Variants in AGBL1 observed in about 807,000 individuals in gnomAD.
The protein encoded by AGBL1 is cytosolic carboxypeptidase 4.
Under a neutral mutation model 118.9 loss-of-function variants are expected in AGBL1, and 130 were observed. The observed-to-expected ratio is 1.09, with a 90% CI of 0.95 to 1.26. The LOEUF (loss-of-function observed/expected upper bound fraction) is 1.26, where lower values mean the gene tolerates loss of function less well. Ranked by LOEUF, AGBL1 falls within the 50% of genes most tolerant of loss-of-function variation. The pLI, the probability that AGBL1 is intolerant of heterozygous loss-of-function variation, is 0.00. For synonymous variants in AGBL1, 555 were observed against 478.9 expected (o/e 1.16, Z -2.08); for missense variants, 1,584 against 1,298.1 (o/e 1.22, Z -3.38).
chr15:86,918,483 G>A (rs2080451494), downstream of AGBL1, among the ~76,000 whole-genome samples: 1 of 151,678 alleles, frequency 6.6e-6, no homozygotes, highest in South Asian at 2.1e-4. Context: ...ATTAGAAATG[G>A]ATCCGTATCA....
intron 16 of AGBL1, among the ~76,000 whole-genome samples, chr15:86,290,069 T>C (rs1043611545): frequency 6.6e-6 from 1 of 152,196 alleles, no homozygotes; most frequent in Non-Finnish European, 1.5e-5. Flanking sequence ...TCGATGTAAG[T>C]TGAAAACATT....
intron 22 of AGBL1, among the ~76,000 whole-genome samples, chr15:86,742,434 G>C (rs2077693677): frequency 6.6e-6 from 1 of 152,266 alleles, no homozygotes; most frequent in East Asian, 1.9e-4. Context: ...TTGTTTCTCT[G>C]TTAATCTGAC....
At chr15:86,479,936 G>A (rs1055086092) in intron 18 of AGBL1, among the ~76,000 whole-genome samples, 3 of 152,108 alleles carry the variant, frequency 2.0e-5, no homozygotes, top group African/African-American at 4.8e-5. Context: ...TCCTTTGTAG[G>A]GACATGGATG....
intron 24 of AGBL1, among the ~76,000 whole-genome samples, chr15:87,003,181 G>C (rs1035807941): frequency 2.7e-5 from 4 of 148,754 alleles, no homozygotes; most frequent in African/African-American, 1.0e-4. Flanking sequence ...AGAGTTTTTA[G>C]TATGAAGGGC....
chr15:86,680,696 A>C (rs1379485993), intron 22 of AGBL1, among the ~76,000 whole-genome samples: 1 of 149,196 alleles, frequency 6.7e-6, no homozygotes, highest in African/African-American at 2.5e-5. Context: ...TCTCTTGAGT[A>C]GCTGGGATTA....
chr15:86,948,780 G>A (rs1171837129), intron 23 of AGBL1, among the ~76,000 whole-genome samples: 1 of 152,156 alleles, frequency 6.6e-6, no homozygotes, highest in East Asian at 1.9e-4. Flanking sequence ...ATGAGGAAGA[G>A]AAAAATAAAA....
chr15:86,985,482 G>C (rs1039620265), intron 23 of AGBL1, among the ~76,000 whole-genome samples: 1 of 152,198 alleles, frequency 6.6e-6, no homozygotes, highest in African/African-American at 2.4e-5. Context: ...TTCCCCTGAT[G>C]ACTAACGCTG....
chr15:86,380,432 G>C (rs1415558663), intron 17 of AGBL1, among the ~76,000 whole-genome samples: 1 of 151,008 alleles, frequency 6.6e-6, no homozygotes, highest in Non-Finnish European at 1.5e-5. Context: ...TTACAGGCGT[G>C]CGCCACCTGA....
chr15:86,352,558 T>C (rs2080644367), intron 17 of AGBL1, among the ~76,000 whole-genome samples: 1 of 152,016 alleles, frequency 6.6e-6, no homozygotes, highest in South Asian at 2.1e-4. Flanking sequence ...CTCGGCTCAC[T>C]GCAACCTCTG....
At chr15:86,269,398 C>G (rs1420393560) in intron 13 of AGBL1, among the ~76,000 whole-genome samples, 1 of 152,154 alleles carries the variant, frequency 6.6e-6, no homozygotes, top group African/African-American at 2.4e-5. Context: ...CATATCCAAA[C>G]CAGATGTGAT....
At chr15:86,754,755 T>C (rs1047994537) in intron 22 of AGBL1, among the ~76,000 whole-genome samples, 3 of 152,078 alleles carry the variant, frequency 2.0e-5, no homozygotes, top group African/African-American at 7.2e-5. Context: ...AAGTGGTTTC[T>C]TTATTCCCAT....
intron 1 of AGBL1, among the ~76,000 whole-genome samples, chr15:86,134,404 TA>T (rs1256802427): frequency 2.0e-5 from 3 of 152,142 alleles, no homozygotes; most frequent in Non-Finnish European, 4.4e-5. Context: ...AATAGAATGT[TA>T]TGGGCTTGTT....
At chr15:86,701,331 T>C (rs2086354385) in intron 22 of AGBL1, among the ~76,000 whole-genome samples, 1 of 151,868 alleles carries the variant, frequency 6.6e-6, no homozygotes, top group South Asian at 2.1e-4. Context: ...GGTGAAAAAA[T>C]ATGGGGACTC....
chr15:86,653,170 A>C (rs979720021), intron 21 of AGBL1, among the ~76,000 whole-genome samples: 22 of 139,558 alleles, frequency 1.6e-4, no homozygotes, highest in Non-Finnish European at 3.2e-4. Context: ...ATGCAAACCA[A>C]AATGAGTTAT....
chr15:86,727,250 A>T (rs2086834635), intron 22 of AGBL1, among the ~76,000 whole-genome samples: 1 of 152,146 alleles, frequency 6.6e-6, no homozygotes, highest in East Asian at 1.9e-4. Flanking sequence ...CTTCCACACC[A>T]CAAAGGTGAC....
At chr15:86,457,920 G>T (rs1176659818) in intron 18 of AGBL1, among the ~76,000 whole-genome samples, 1 of 152,104 alleles carries the variant, frequency 6.6e-6, no homozygotes, top group Non-Finnish European at 1.5e-5. Context: ...TGGGGCCCTT[G>T]GCCTCTTTCA....
At chr15:86,941,109 A>G (rs930839466) in intron 23 of AGBL1, among the ~76,000 whole-genome samples, 2 of 152,236 alleles carry the variant, frequency 1.3e-5, no homozygotes, top group African/African-American at 2.4e-5. Flanking sequence ...GATATGAAGT[A>G]AAAAACATGG....
intron 18 of AGBL1, among the ~76,000 whole-genome samples, chr15:86,448,985 C>T (rs2082160465): frequency 6.6e-6 from 1 of 151,948 alleles, no homozygotes; most frequent in African/African-American, 2.4e-5. Context: ...ATGTGGTGTA[C>T]TGAAGGGCAG....
At chr15:87,007,687 G>T (rs573892582) in intron 24 of AGBL1, among the ~76,000 whole-genome samples, 12 of 152,172 alleles carry the variant, frequency 7.9e-5, no homozygotes, top group African/African-American at 2.9e-4. Context: ...TAAAATGTTT[G>T]CTGGTGGAAG....
Sources: gnomAD v4.1 joint callset for allele counts (sites outside exome capture counted in the v4.1 genomes callset) on GRCh38, gnomAD v4.1.1 for gene constraint, MANE v1.5 for transcripts, NCBI Gene and HGNC (gene_info 2026-07-23, HGNC 2026-07-21) for gene names.